CCDC60: variants seen among roughly 807,000 people sequenced by gnomAD.
The protein encoded by CCDC60 is coiled-coil domain-containing protein 60.
CCDC60 carries 54 observed loss-of-function variants against 63.5 expected under a neutral mutation model. That is an observed-to-expected ratio of 0.85 (90% confidence interval 0.68 to 1.07). The LOEUF (loss-of-function observed/expected upper bound fraction) is 1.07. Among genes scored for constraint, CCDC60 ranks in the 50% least tolerant of loss-of-function variants. CCDC60 has a pLI of 0.00. For missense variants in CCDC60, 651 were observed against 684.3 expected (o/e 0.95, Z 0.54); for synonymous variants, 206 against 238.8 (o/e 0.86, Z 1.27).
chr12:119,518,598 G>A (rs1952415553), intron 8 of CCDC60, among the ~76,000 whole-genome samples: 1 of 152,102 alleles, frequency 6.6e-6, no homozygotes, highest in Admixed American at 6.5e-5. Flanking sequence ...CTAATGTTAT[G>A]GAAATAACAT....
chr12:119,524,721 C>CTTTTCTTTTTTT (rs761586584), intron 11 of CCDC60, among the ~76,000 whole-genome samples: 2 of 99,050 alleles, frequency 2.0e-5, no homozygotes, highest in South Asian at 6.5e-4. Flanking sequence ...CTTTTCTTTT[C>CTTTTCTTTTTTT]TTTTTTTTTT....
At chr12:119,444,249 T>C (rs1950498843) in intron 2 of CCDC60, among the ~76,000 whole-genome samples, 1 of 152,240 alleles carries the variant, frequency 6.6e-6, no homozygotes, top group Non-Finnish European at 1.5e-5. Context: ...GCGTTTAGAA[T>C]AGAGTTGTCA....
chr12:119,409,270 A>G (rs1956550350), intron 1 of CCDC60, among the ~76,000 whole-genome samples: 2 of 152,110 alleles, frequency 1.3e-5, no homozygotes, highest in South Asian at 2.1e-4. Context: ...GTGTTGCTCA[A>G]CCTCAGCACT....
chr12:119,430,667 C>CAAAAA (rs57881806), intron 2 of CCDC60, among the ~76,000 whole-genome samples: 2 of 106,032 alleles, frequency 1.9e-5, no homozygotes, highest in Non-Finnish European at 1.8e-5. Flanking sequence ...ACTCTGTCTC[C>CAAAAA]AAAAAAAAAA....
chr12:119,528,472 A>G (rs1952752002), intron 11 of CCDC60, 143 bp from the exon 12 acceptor site: 2 of 937,812 alleles, frequency 2.1e-6, no homozygotes, highest in Non-Finnish European at 3.2e-6. Flanking sequence ...CAAAAGCCAG[A>G]GCCTAAGTTA....
intron 4 of CCDC60, among the ~76,000 whole-genome samples, chr12:119,480,758 T>A (rs962791040): frequency 2.1e-5 from 3 of 143,652 alleles, no homozygotes; most frequent in African/African-American, 7.8e-5. Flanking sequence ...ATCCTCACCA[T>A]CATCATCATC....
At chr12:119,511,170 C>T (rs368677338) in intron 7 of CCDC60, among the ~76,000 whole-genome samples, 1 of 152,164 alleles carries the variant, frequency 6.6e-6, no homozygotes, top group Admixed American at 6.5e-5. Context: ...TATACCTTAA[C>T]CTCCATCCAA....
Position 119,379,745 on chromosome 12 carries a change from C to T in CCDC60, c.90+44479C>T, listed in dbSNP as rs73217252. On this transcript the variant is annotated intron_variant, in intron 1 of 13. Transcript: ENST00000327554. The stretch of plus-strand genomic sequence containing the variant: ...GTGGGAGATGCTAAATATGGAAAGG[C>T]GATGACTGGTTTGAACTGATTCAGG... Among the ~76,000 whole-genome samples, 1,367 of 152,252 alleles carry T rather than the reference C, an allele frequency of 9.0e-3. 14 individuals are homozygous for T. The highest frequency in any genetic ancestry group is 0.015 in the Non-Finnish European group (992 of 68,010).
intron 1 of CCDC60, among the ~76,000 whole-genome samples, chr12:119,377,494 A>G (rs1955965398): frequency 6.6e-6 from 1 of 152,144 alleles, no homozygotes; most frequent in Non-Finnish European, 1.5e-5. Flanking sequence ...AATATTATAA[A>G]TAAGGTTAAA....
Position 119,477,485 on chromosome 12 carries a change from T to C in CCDC60, c.342-1609T>C, listed in dbSNP as rs567711511. Among the ~76,000 whole-genome samples, 230 of 152,350 alleles carry C rather than the reference T, an allele frequency of 1.5e-3. 3 individuals are homozygous for C. The highest frequency in any genetic ancestry group is 0.014 in the Admixed American group (218 of 15,308). ...GTTTGGTTGTACCCATCTCCCCCAC[T>C]AGACTCAGCTTCGGAAGAGGAGAGG... On this transcript the variant is annotated intron_variant, in intron 3 of 13. Transcript: ENST00000327554.
At chr12:119,445,491 TAA>T (rs57279338) in intron 2 of CCDC60, among the ~76,000 whole-genome samples, 365 of 117,832 alleles carry the variant, frequency 3.1e-3, no homozygotes, top group Admixed American at 4.5e-3. Flanking sequence ...TGCCCTGAGC[TAA>T]AAAAAAAAAA....
chr12:119,472,188 C>G (rs760451650), intron 3 of CCDC60, 24 bp downstream of exon 3: 3 of 1,608,874 alleles, frequency 1.9e-6, no homozygotes, highest in East Asian at 4.5e-5. Flanking sequence ...GTAGCTGTGG[C>G]ACTGAAGGTT....
intron 1 of CCDC60, among the ~76,000 whole-genome samples, chr12:119,340,838 A>T (rs1486364025): frequency 3.9e-5 from 6 of 152,170 alleles, no homozygotes; most frequent in African/African-American, 1.2e-4. Flanking sequence ...CTGGCCTCTA[A>T]TCACTGAGAC....
rs753838734 is a variant in CCDC60, at chr12:119,428,699, T to C, written c.107T>C (p.Met36Thr). ...TCTCATCAGGTCCCAGACAAGCCAA[T>C]GAAGAGCATCAAGTATATGGACAAG... is the stretch of plus-strand genomic sequence containing the variant. ...ENLRQVPDKP[M>T]KSIKYMDKEI... Residue 36 changes from methionine (M) to threonine (T), a missense_variant, in exon 2 of 14, where the codon ATG (methionine) becomes ACG (threonine). Physicochemically the swap from Met to Thr is moderately conservative, Grantham distance 81. Transcript: ENST00000327554. The C allele has an allele frequency of 1.9e-6, 3 of 1,605,704 alleles. No individual in the cohort carries two copies. The highest frequency in any genetic ancestry group is 1.3e-5 in the African/African-American group (1 of 74,906).
intron 1 of CCDC60, among the ~76,000 whole-genome samples, chr12:119,365,635 CA>C (rs2136170353): frequency 6.6e-6 from 1 of 152,316 alleles, no homozygotes; most frequent in African/African-American, 2.4e-5. Flanking sequence ...TTAACCAAAG[CA>C]AGATAAATAG....
rs116714194 is a variant in CCDC60 at position 119,406,423 on chromosome 12, A to T, written c.91-22260A>T. 4.3e-3 allele frequency among the ~76,000 whole-genome samples: 650 copies of T among 152,234 alleles called. 3 individuals are homozygous for T. The highest frequency in any genetic ancestry group is 0.014 in the African/African-American group (587 of 41,536). On this transcript the variant is annotated intron_variant, in intron 1 of 13. Transcript: ENST00000327554. ...TGTCTAAAAGTTGAAAAATCAACACATATTGAAGTTTTATTTTCATCCCTT... is the reference window on the plus strand; with the variant it reads ...TGTCTAAAAGTTGAAAAATCAACACTTATTGAAGTTTTATTTTCATCCCTT...
At chr12:119,514,927 C>T (rs559617608) in intron 7 of CCDC60, among the ~76,000 whole-genome samples, 1 of 152,282 alleles carries the variant, frequency 6.6e-6, no homozygotes, top group Non-Finnish European at 1.5e-5. Context: ...TCCCTAGATA[C>T]ACAAATACTT....
At chr12:119,343,692 A>G (rs1955557213) in intron 1 of CCDC60, among the ~76,000 whole-genome samples, 2 of 150,580 alleles carry the variant, frequency 1.3e-5, no homozygotes, top group Non-Finnish European at 3.0e-5. Flanking sequence ...ATATGTATAT[A>G]TAAGCTTGAG....
chr12:119,465,133 AACCCC>A (rs1185858670), intron 2 of CCDC60, among the ~76,000 whole-genome samples: 3 of 151,702 alleles, frequency 2.0e-5, no homozygotes, highest in Non-Finnish European at 2.9e-5. Context: ...AACATGGTGA[AACCCC>A]GTCTCTACTA....
Sources: allele counts gnomAD v4.1 joint callset (sites outside exome capture counted in the v4.1 genomes callset), GRCh38; gene constraint gnomAD v4.1.1; transcripts MANE v1.5; gene names NCBI Gene and HGNC (gene_info 2026-07-23, HGNC 2026-07-21).